The following FBXL13 variants were observed in gnomAD, a reference collection of about 807,000 sequenced individuals.
FBXL13 encodes the protein F-box and leucine-rich repeat protein 13.
A neutral mutation model predicts 83.6 loss-of-function variants in FBXL13; 67 were observed. The observed-to-expected ratio is 0.80, with a 90% CI of 0.66 to 0.98. The LOEUF (loss-of-function observed/expected upper bound fraction) is 0.98. FBXL13 is among the 50% of genes least tolerant of loss of function. The pLI is 0.00. For missense variants in FBXL13, 822 were observed against 866.5 expected, an observed-to-expected ratio of 0.95 and a Z score of 0.64; for synonymous variants, 272 against 299.5, an observed-to-expected ratio of 0.91 and a Z score of 0.95.
chr7:103,022,011 C>CTCT (rs1793239788), intron 6 of FBXL13, among the ~76,000 whole-genome samples: 1 of 152,138 alleles, frequency 6.6e-6, no homozygotes, highest in South Asian at 2.1e-4. Context: ...AATCATGCTG[C>CTCT]TATAAAGACA....
At chr7:102,973,626 G>A (rs778052480) in intron 6 of FBXL13, 5 of 766,060 alleles carry the variant, frequency 6.5e-6, no homozygotes, top group East Asian at 2.4e-5. Context: ...ATCTGGTGCC[G>A]AAACCCGGGA....
chr7:102,861,057 A>C (rs1806756759), intron 16 of FBXL13, among the ~76,000 whole-genome samples: 1 of 152,028 alleles, frequency 6.6e-6, no homozygotes, highest in Non-Finnish European at 1.5e-5. Flanking sequence ...AATAAGTTTC[A>C]GATATCATGA....
chr7:103,023,850 A>T (rs1428593795), intron 6 of FBXL13, among the ~76,000 whole-genome samples: 1 of 152,172 alleles, frequency 6.6e-6, no homozygotes, highest in African/African-American at 2.4e-5. Context: ...GGAGACCATT[A>T]TCCTAGGCAA....
At chr7:102,934,629 CA>C in intron 8 of FBXL13, 1 of 1,608,772 alleles carries the variant, frequency 6.2e-7, no homozygotes, top group Non-Finnish European at 8.5e-7. Context: ...GAGGTGGACT[CA>C]ACTTTTTGCC....
intron 19 of FBXL13, 70 bp from the exon 21 acceptor site, chr7:102,813,601 C>G (rs1797600792): frequency 4.0e-6 from 6 of 1,505,140 alleles, no homozygotes; most frequent in South Asian, 3.7e-5. Context: ...CAAACTCAAC[C>G]AAATTTGGAG....
chr7:103,062,388 T>C (rs1172081793), intron 1 of FBXL13, among the ~76,000 whole-genome samples: 1 of 152,208 alleles, frequency 6.6e-6, no homozygotes, highest in African/African-American at 2.4e-5. Flanking sequence ...GGCTTTATTA[T>C]ATGAGTTCCT....
chr7:102,977,835 A>G lies in FBXL13; in HGVS notation c.496-9718T>C, dbSNP rs971585684. Reference sequence around the variant, plus strand: ...AAGCTGGAAACCATCATTCTCAGCAAACTATCGCAAGGACAAAAACCAAAC... The same window carrying G: ...AAGCTGGAAACCATCATTCTCAGCAGACTATCGCAAGGACAAAAACCAAAC... On this transcript the variant is annotated intron_variant, in intron 6 of 19. Transcript: ENST00000313221. Among the ~76,000 whole-genome samples the G allele has an allele frequency of 2.0e-5, 3 of 152,184 alleles. No homozygotes were observed. The East Asian group carries it at 5.8e-4, about 29-fold the overall frequency.
chr7:102,955,344 C>A (rs762448522), intron 8 of FBXL13, among the ~76,000 whole-genome samples: 2 of 151,928 alleles, frequency 1.3e-5, no homozygotes, highest in Non-Finnish European at 2.9e-5. Context: ...TTGAAGCCAA[C>A]GAGAACAAAG....
intron 16 of FBXL13, among the ~76,000 whole-genome samples, chr7:102,865,585 A>G (rs1277429060): frequency 1.3e-5 from 2 of 152,130 alleles, no homozygotes; most frequent in Non-Finnish European, 2.9e-5. Flanking sequence ...CTCTGTCACC[A>G]GGCTGGAGTG....
intron 11 of FBXL13, among the ~76,000 whole-genome samples, chr7:102,888,161 C>A (rs908823756): frequency 6.6e-6 from 1 of 152,112 alleles, no homozygotes; most frequent in African/African-American, 2.4e-5. Context: ...CTGTGTTGGA[C>A]AACTATGAGG....
intron 2 of FBXL13, among the ~76,000 whole-genome samples, chr7:103,051,659 C>T (rs1030688861): frequency 4.6e-5 from 7 of 152,150 alleles, no homozygotes; most frequent in African/African-American, 1.7e-4. Flanking sequence ...TTTAATTGAA[C>T]GATGAACAAT....
chr7:102,823,798 A>G (rs1463850575), intron 18 of FBXL13, among the ~76,000 whole-genome samples: 1 of 152,220 alleles, frequency 6.6e-6, no homozygotes, highest in Non-Finnish European at 1.5e-5. Flanking sequence ...ACACTTTTTA[A>G]GTTTGGAAAA....
upstream of FBXL13, chr7:103,074,779 G>A (rs1001908292): frequency 7.8e-7 from 1 of 1,288,984 alleles, no homozygotes. Flanking sequence ...ATGGCCCAAG[G>A]CCTGACGGAG....
chr7:102,821,058 T>A (rs1275505806), intron 19 of FBXL13, among the ~76,000 whole-genome samples: 1 of 152,234 alleles, frequency 6.6e-6, no homozygotes, highest in Admixed American at 6.5e-5. Context: ...AATTAGAAGC[T>A]AAACTCCTTT....
intron 18 of FBXL13, among the ~76,000 whole-genome samples, chr7:102,826,723 TCATATATATATATA>T (rs1799682438): frequency 2.0e-5 from 1 of 50,628 alleles, no homozygotes; most frequent in Non-Finnish European, 4.2e-5. Context: ...AGACCCTGTC[TCATATATATATATA>T]TATATATATA....
chr7:102,934,519 A>C, intron 8 of FBXL13: 2 of 1,610,236 alleles, frequency 1.2e-6, no homozygotes, highest in Non-Finnish European at 1.7e-6. Flanking sequence ...AAAATAAAAA[A>C]CTGCGGCAGA....
chr7:102,907,582 G>A (rs1401289296), intron 11 of FBXL13, among the ~76,000 whole-genome samples: 2 of 150,094 alleles, frequency 1.3e-5, no homozygotes, highest in Non-Finnish European at 2.9e-5. Flanking sequence ...TTGGTTTTCT[G>A]TCCTTGCGAT....
intron 6 of FBXL13, among the ~76,000 whole-genome samples, chr7:103,016,700 TCCC>T (rs1792378856): frequency 1.3e-5 from 2 of 151,990 alleles, no homozygotes; most frequent in South Asian, 4.2e-4. Flanking sequence ...GCTCGGAGGG[TCCC>T]ACACCCATGG....
exon 14 of FBXL13, chr7:102,883,378 T>C: frequency 1.2e-6 from 2 of 1,613,890 alleles, no homozygotes; most frequent in Non-Finnish European, 1.7e-6. Context: ...CTGTCTGTTA[T>C]TCCCTTGCAG....
Sources: gnomAD v4.1 joint callset for allele counts (sites outside exome capture counted in the v4.1 genomes callset) on GRCh38, gnomAD v4.1.1 for gene constraint, MANE v1.5 for transcripts, NCBI Gene and HGNC (gene_info 2026-07-23, HGNC 2026-07-21) for gene names.